MYH10: variants seen among roughly 807,000 people sequenced by gnomAD.
MYH10 encodes the protein myosin-10.
A neutral mutation model predicts 257.8 loss-of-function variants in MYH10; 55 were observed. That is an observed-to-expected ratio of 0.21 (90% CI 0.17 to 0.27). The LOEUF (loss-of-function observed/expected upper bound fraction) is 0.27. Among genes scored for constraint, MYH10 ranks in the 10% least tolerant of loss-of-function variants. The pLI is 1.00. For synonymous variants in MYH10, 854 were observed against 921.7 expected (o/e 0.93, Z 1.33); for missense variants, 1,631 against 2,500.6 (o/e 0.65, Z 7.42).
intron 29 of MYH10, among the ~76,000 whole-genome samples, chr17:8,499,973 C>G (rs1195328547): frequency 6.6e-6 from 1 of 152,172 alleles, no homozygotes; most frequent in Non-Finnish European, 1.5e-5. Flanking sequence ...TTCCACGAAC[C>G]AGCTGTGTGA....
rs751763657 is a variant in MYH10 at position 8,545,580 on chromosome 17, T to G, written c.1299A>C (p.Ala433=). 9.3e-6 allele frequency: 15 copies of G among 1,610,852 alleles called. No individual in the cohort carries two copies. In the African/African-American group the frequency reaches 2.0e-4, roughly 22 times the overall value. Residue 433 remains alanine (A), a synonymous_variant, in exon 13 of 43, where the codon GCA becomes GCC. Coordinates refer to ENST00000360416, the MANE Select transcript of MYH10 (RefSeq NM_001256012.3). The surrounding 1 kb of genome is among the most constrained non-coding windows in gnomAD (Gnocchi z 4.7). ...TKEQADFAVE[A]LAKATYERLF... ...GCCGCTCATAGGTAGCTTTTGCCAA[T>G]GCTTCTACTGCAAAATCTGCCTGTA...
In MYH10 at chr17:8,554,910, G is replaced by A. The variant is rs548070908; in HGVS notation, c.757-892C>T. Reference sequence around the variant, plus strand: ...GGAGGTTGCAGTGAACTGAGATCGCGCCACTGCACTCCAGCCTGGGTGACA... The same window carrying A: ...GGAGGTTGCAGTGAACTGAGATCGCACCACTGCACTCCAGCCTGGGTGACA... On this transcript the variant is annotated intron_variant, in intron 7 of 42. Transcript: ENST00000360416. Among the ~76,000 whole-genome samples the A allele has an allele frequency of 1.2e-4, 18 of 151,540 alleles. No individual in the cohort carries two copies. The East Asian group carries it at 2.5e-3, about 21-fold the overall frequency.
In MYH10 at chr17:8,509,776, A is replaced by C. The variant is rs141521797; in HGVS notation, c.3090+36T>G. On this transcript the variant is annotated intron_variant, in intron 25 of 42. Coordinates refer to ENST00000360416, the MANE Select transcript of MYH10 (RefSeq NM_001256012.3). ...ATAATATTATATAAATATTTTCTGT[A>C]ACTAAAATCAGCTTTTTGTGGGAAC... is the stretch of plus-strand genomic sequence containing the variant. The C allele has an allele frequency of 1.8e-4, 279 of 1,566,246 alleles. 2 individuals carry two copies. In the East Asian group the frequency reaches 5.6e-3, roughly 31 times the overall value.
rs775665266 is a variant in MYH10 at position 8,477,037 on chromosome 17, G to T, written c.5718C>A (p.Ala1906=). ...GTTTAAGCTGCTTCATCCGAGCGTTGGCCTTCTCCATCTTGGGGAGGGTAC... is the reference window on the plus strand; with the variant it reads ...GTTTAAGCTGCTTCATCCGAGCGTTTGCCTTCTCCATCTTGGGGAGGGTAC... ...ADQYKEQMEK[A]NARMKQLKRQ... is the part of the protein sequence containing the mutation. Residue 1906 remains alanine (A), a synonymous_variant, in exon 42 of 43, where the codon GCC becomes GCA. Transcript: ENST00000360416. The surrounding 1 kb of genome is among the most constrained non-coding windows in gnomAD (Gnocchi z 4.2). 6.2e-7 allele frequency: 1 copy of T among 1,614,026 alleles called. No homozygotes were observed. Among genetic ancestry groups the T allele is most frequent in the Non-Finnish European group, 8.5e-7 (1 of 1,180,038 alleles).
At chr17:8,608,348 AAC>A (rs2084891073) in intron 2 of MYH10, among the ~76,000 whole-genome samples, 1 of 152,228 alleles carries the variant, frequency 6.6e-6, no homozygotes, top group African/African-American at 2.4e-5. Context: ...CAGAAAAGGC[AAC>A]ACAAAACAGA....
chr17:8,554,750 G>C (rs577889574), intron 7 of MYH10, among the ~76,000 whole-genome samples: 1 of 152,272 alleles, frequency 6.6e-6, no homozygotes, highest in South Asian at 2.1e-4. Context: ...AGGAGTTCAA[G>C]ACCAGCCCGG....
Position 8,501,029 on chromosome 17 carries a change from T to G in MYH10, c.3600-59A>C, listed in dbSNP as rs999353297. ...TTAGCTGACTGATTAAAAACACATT[T>G]TCTTTTTGAAAAAGTACTGTTTTTG... On this transcript the variant is annotated intron_variant, in intron 28 of 42. Coordinates refer to ENST00000360416, the MANE Select transcript of MYH10 (RefSeq NM_001256012.3). The G allele has an allele frequency of 2.6e-6, 4 of 1,522,654 alleles. No homozygotes were observed. The African/African-American group carries it at 5.6e-5, about 21-fold the overall frequency. The allele number at this position is 1,522,654 out of a possible 1,614,324, so 94.3% of individuals were successfully genotyped here.
chr17:8,524,775 A>G (rs1026533919), intron 17 of MYH10, among the ~76,000 whole-genome samples: 1 of 152,200 alleles, frequency 6.6e-6, no homozygotes, highest in Non-Finnish European at 1.5e-5. Flanking sequence ...AGCCACTTCT[A>G]AAAGACAAAA....
intron 25 of MYH10, among the ~76,000 whole-genome samples, chr17:8,509,516 A>G (rs2081188454): frequency 1.3e-5 from 2 of 152,230 alleles, no homozygotes; most frequent in African/African-American, 4.8e-5. Flanking sequence ...TCAATGGTGG[A>G]TGAATTAATG....
chr17:8,584,066 G>A lies in MYH10; in HGVS notation c.530+5015C>T, dbSNP rs182881176. Among the ~76,000 whole-genome samples the A allele has an allele frequency of 2.0e-3, 305 of 152,254 alleles. 2 individuals carry two copies. Among genetic ancestry groups the A allele is most frequent in the African/African-American group, 6.0e-3 (248 of 41,554 alleles). ...ATTTCACCTCCAGTTCTATGGGGGT[G>A]CAAGTGTGAAAGACCACTCTCTCCT... On this transcript the variant is annotated intron_variant, in intron 4 of 42. Coordinates refer to ENST00000360416, the MANE Select transcript of MYH10 (RefSeq NM_001256012.3).
intron 21 of MYH10, 134 bp from the exon 22 acceptor site, chr17:8,514,028 G>T: frequency 1.2e-6 from 1 of 812,192 alleles, no homozygotes; most frequent in Non-Finnish European, 1.9e-6. Flanking sequence ...CAAGTCCTGG[G>T]TGAGACGCAC....
chr17:8,493,559 TTCC>T (rs1916101021), intron 32 of MYH10, among the ~76,000 whole-genome samples, 171 bp downstream of exon 32: 1 of 152,208 alleles, frequency 6.6e-6, no homozygotes, highest in South Asian at 2.1e-4. Flanking sequence ...TTTTAAGGGC[TTCC>T]AGCATTATAA....
rs541654573 is a variant in MYH10, at chr17:8,518,615, G to A, written c.2504+16C>T. 4.6e-5 allele frequency: 74 copies of A among 1,606,508 alleles called. No individual in the cohort carries two copies. Among genetic ancestry groups the A allele is most frequent in the African/African-American group, 4.0e-4 (30 of 74,702 alleles). ...CACTTCCTCAGTGAACGATTAATTC[G>A]TGAATACCCACTCACTTTCTGGCCA... On this transcript the variant is annotated intron_variant, in intron 21 of 42. Transcript: ENST00000360416.
intron 4 of MYH10, among the ~76,000 whole-genome samples, chr17:8,578,470 CT>C (rs1385772779): frequency 1.3e-5 from 2 of 152,114 alleles, no homozygotes; most frequent in African/African-American, 4.8e-5. Flanking sequence ...TCTCAAACCC[CT>C]GACCTCAAGT....
intron 27 of MYH10, among the ~76,000 whole-genome samples, 198 bp from the exon 28 acceptor site, chr17:8,505,104 C>T (rs2081032455): frequency 6.6e-6 from 1 of 151,730 alleles, no homozygotes. Context: ...TGCTGAAGGC[C>T]CCAAAGCTAA....
At chr17:8,494,910 G>A (rs558587570) in intron 31 of MYH10, among the ~76,000 whole-genome samples, 3 of 152,344 alleles carry the variant, frequency 2.0e-5, no homozygotes, top group East Asian at 1.9e-4. Context: ...AGCTGTCTCC[G>A]AGGCCACCCA....
chr17:8,566,509 C>T (rs2083172527), intron 7 of MYH10, among the ~76,000 whole-genome samples: 1 of 152,142 alleles, frequency 6.6e-6, no homozygotes, highest in African/African-American at 2.4e-5. Flanking sequence ...GGAACTGAGG[C>T]CTCCAGCCAA....
chr17:8,487,510 G>A lies in MYH10; in HGVS notation c.4969C>T (p.Leu1657=). 1.2e-6 allele frequency: 2 copies of A among 1,614,176 alleles called. No homozygotes were observed. The highest frequency in any genetic ancestry group is 1.7e-6 in the Non-Finnish European group (2 of 1,180,042). ...TCGATTTGGGCTTCGAGGTCCTTCAGGTCTATCTCCATCTTTTTCTTTGAA... is the reference window on the plus strand; with the variant it reads ...TCGATTTGGGCTTCGAGGTCCTTCAAGTCTATCTCCATCTTTTTCTTTGAA... ...VASKKKMEID[L]KDLEAQIEAA... The change falls in exon 36 of 43, where the codon CTG becomes TTG. Residue 1657 remains leucine (L), a synonymous_variant. Coordinates refer to ENST00000360416, the MANE Select transcript of MYH10 (RefSeq NM_001256012.3).
chr17:8,611,868 CG>C (rs2085052439), intron 2 of MYH10, among the ~76,000 whole-genome samples: 1 of 152,108 alleles, frequency 6.6e-6, no homozygotes, highest in African/African-American at 2.4e-5. Context: ...AGAATTTTCC[CG>C]GACCAACAAA....
Sources: allele counts gnomAD v4.1 joint callset (sites outside exome capture counted in the v4.1 genomes callset), GRCh38; gene constraint gnomAD v4.1.1; non-coding constraint Gnocchi (gnomAD v3.1); transcripts MANE v1.5; gene names NCBI Gene and HGNC (gene_info 2026-07-23, HGNC 2026-07-21).